Variants in ATAD1 observed in about 807,000 individuals in gnomAD.
ATAD1 encodes ATPase family AAA domain containing 1.
Under a neutral mutation model 42.7 loss-of-function variants are expected in ATAD1, and 18 were observed. The ratio of observed to expected loss-of-function variants is 0.42; its 90% CI spans 0.29 to 0.63. The LOEUF (loss-of-function observed/expected upper bound fraction) is 0.63, where lower values mean the gene tolerates loss of function less well. ATAD1 is among the 20% of genes least tolerant of loss of function. ATAD1 has a pLI of 0.19. For synonymous variants in ATAD1, 132 were observed against 143.1 expected (o/e 0.92, Z 0.55); for missense variants, 294 against 440.4 (o/e 0.67, Z 2.98).
intron 8 of ATAD1, among the ~76,000 whole-genome samples, chr10:87,764,907 C>T (rs1221032823): frequency 2.0e-5 from 3 of 151,720 alleles, no homozygotes; most frequent in African/African-American, 4.8e-5. Context: ...CAAAGAATTG[C>T]AAATTAGGAA....
intron 1 of ATAD1, among the ~76,000 whole-genome samples, chr10:87,840,130 A>G (rs1306210095): frequency 6.6e-6 from 1 of 152,234 alleles, no homozygotes; most frequent in Non-Finnish European, 1.5e-5. Flanking sequence ...GTGAAATTAA[A>G]CCTTAATTGT....
At chr10:87,809,267 A>C (rs1008616608) in intron 2 of ATAD1, among the ~76,000 whole-genome samples, 1 of 152,226 alleles carries the variant, frequency 6.6e-6, no homozygotes, top group African/African-American at 2.4e-5. Context: ...CTGAACTACT[A>C]AAATAGCCTA....
rs149824387 is a variant in ATAD1 at position 87,780,735 on chromosome 10, A to G, written c.583+3735T>C. ...ATGCTACCGTCTGTTGTGTTTGTATACACAGCAGGTATGCATATAGACATA... is the reference window on the plus strand; with the variant it reads ...ATGCTACCGTCTGTTGTGTTTGTATGCACAGCAGGTATGCATATAGACATA... On this transcript the variant is annotated intron_variant, in intron 5 of 9. Transcript: ENST00000680024. Among the ~76,000 whole-genome samples, 726 of 152,322 alleles carry G rather than the reference A, an allele frequency of 4.8e-3. 2 individuals carry two copies. Among genetic ancestry groups the G allele is most frequent in the Non-Finnish European group, 6.2e-3 (421 of 68,018 alleles).
intron 2 of ATAD1, among the ~76,000 whole-genome samples, chr10:87,793,289 A>G (rs1564763390): frequency 6.6e-6 from 1 of 152,200 alleles, no homozygotes; most frequent in Non-Finnish European, 1.5e-5. Flanking sequence ...TTTAGGTAGA[A>G]GACAATTCTT....
intron 2 of ATAD1, among the ~76,000 whole-genome samples, chr10:87,804,861 G>C (rs1269649159): frequency 6.6e-6 from 1 of 152,018 alleles, no homozygotes; most frequent in Non-Finnish European, 1.5e-5. Flanking sequence ...AGCAGTATGT[G>C]CCCAGAAAAA....
chr10:87,777,770 TTGTAA>T (rs1564750505), intron 5 of ATAD1, among the ~76,000 whole-genome samples: 1 of 152,206 alleles, frequency 6.6e-6, no homozygotes, highest in Non-Finnish European at 1.5e-5. Flanking sequence ...CAAAAATATC[TTGTAA>T]TGTGCTATGT....
At chr10:87,834,927 T>A (rs1350339437) in intron 1 of ATAD1, among the ~76,000 whole-genome samples, 1 of 152,068 alleles carries the variant, frequency 6.6e-6, no homozygotes, top group African/African-American at 2.4e-5. Context: ...TAAGGATTGC[T>A]TTAGCTGAAT....
At chr10:87,755,725 A>C (rs1564736168) in intron 9 of ATAD1, among the ~76,000 whole-genome samples, 2 of 152,098 alleles carry the variant, frequency 1.3e-5, no homozygotes, top group Non-Finnish European at 2.9e-5. Flanking sequence ...CCTGGCCAAC[A>C]TGTCGAAATC....
chr10:87,814,849 GGTA>G (rs1857343631), intron 1 of ATAD1: 2 of 260,098 alleles, frequency 7.7e-6, no homozygotes, highest in Non-Finnish European at 7.2e-6. Context: ...AGATTTATTT[GGTA>G]GTAGAATTAA....
In ATAD1 at chr10:87,808,897, C is replaced by T. The variant is rs80135382; in HGVS notation, c.162+5541G>A. On this transcript the variant is annotated intron_variant, in intron 2 of 9. Coordinates refer to ENST00000680024, the MANE Select transcript of ATAD1 (RefSeq NM_001321967.2). Reference sequence around the variant, plus strand: ...GGTTTTAGAACTGTAGTTATGCTAGCCTCACAAAAAGGTTTGGAAGTGTTC... The same window carrying T: ...GGTTTTAGAACTGTAGTTATGCTAGTCTCACAAAAAGGTTTGGAAGTGTTC... Among the ~76,000 whole-genome samples the T allele has an allele frequency of 1.8e-4, 28 of 152,282 alleles. No individual in the cohort carries two copies. In the East Asian group the frequency reaches 5.0e-3, roughly 27 times the overall value.
rs17096750 is a variant in ATAD1, at chr10:87,804,256, C to T, written c.162+10182G>A. ...AATGATAGGACTAACAATAGGAAGA[C>T]GTTAAGTTAAATAATTAATGTCATA... is the stretch of plus-strand genomic sequence containing the variant. On this transcript the variant is annotated intron_variant, in intron 2 of 9. Transcript: ENST00000680024. 5.4e-3 allele frequency among the ~76,000 whole-genome samples: 818 copies of T among 152,206 alleles called. 12 individuals carry two copies. Among genetic ancestry groups the T allele is most frequent in the South Asian group, 0.04 (193 of 4,830 alleles).
chr10:87,837,005 A>G (rs1857942802), intron 1 of ATAD1, among the ~76,000 whole-genome samples: 1 of 152,120 alleles, frequency 6.6e-6, no homozygotes, highest in African/African-American at 2.4e-5. Context: ...TATATTTTTT[A>G]GTTCTGAATT....
chr10:87,774,721 C>T (rs1035988783), intron 6 of ATAD1, among the ~76,000 whole-genome samples: 2 of 152,068 alleles, frequency 1.3e-5, no homozygotes, highest in African/African-American at 2.4e-5. Context: ...GAGGCCAAAG[C>T]GGGCAGACTG....
intron 1 of ATAD1, among the ~76,000 whole-genome samples, chr10:87,830,703 A>C (rs1857812541): frequency 6.6e-6 from 1 of 152,238 alleles, no homozygotes; most frequent in Admixed American, 6.5e-5. Flanking sequence ...CTCCTTACCT[A>C]TTCAGCATAA....
intron 2 of ATAD1, among the ~76,000 whole-genome samples, chr10:87,810,452 C>T (rs1857127664): frequency 6.6e-6 from 1 of 152,050 alleles, no homozygotes; most frequent in Non-Finnish European, 1.5e-5. Flanking sequence ...TTAAAAGTCT[C>T]TCACCATGTT....
chr10:87,771,164 T>C, intron 6 of ATAD1, 123 bp from the exon 7 acceptor site: 1 of 636,426 alleles, frequency 1.6e-6, no homozygotes, highest in Non-Finnish European at 2.6e-6. Context: ...GTAAGAAATC[T>C]GATTTTAAAT....
chr10:87,781,441 CA>C (rs1002821757), intron 5 of ATAD1, among the ~76,000 whole-genome samples: 1 of 152,102 alleles, frequency 6.6e-6, no homozygotes, highest in Non-Finnish European at 1.5e-5. Flanking sequence ...ATAATCTACT[CA>C]AAAATTGAAT....
chr10:87,798,625 G>GGGGTGTGTGTGTGTGTGTGTGT (rs1554881741), intron 2 of ATAD1, among the ~76,000 whole-genome samples: 2 of 124,938 alleles, frequency 1.6e-5, no homozygotes, highest in Non-Finnish European at 3.5e-5. Flanking sequence ...AGCTATAGGG[G>GGGGTGTGTGTGTGTGTGTGTGT]GTGTGTGTGT....
chr10:87,831,957 A>C (rs1272132523), intron 1 of ATAD1: 1 of 152,158 alleles, frequency 6.6e-6, no homozygotes, highest in African/African-American at 2.4e-5. Flanking sequence ...TAACTCATTC[A>C]AGGTCAAATA....
Sources: allele counts gnomAD v4.1 joint callset (sites outside exome capture counted in the v4.1 genomes callset), GRCh38; gene constraint gnomAD v4.1.1; transcripts MANE v1.5; gene names NCBI Gene and HGNC (gene_info 2026-07-23, HGNC 2026-07-21).